Variants in ASRGL1 observed in about 807,000 individuals in gnomAD.
ASRGL1 encodes the protein asparaginase and isoaspartyl peptidase 1, also known as isoaspartyl peptidase/L-asparaginase.
Under a neutral mutation model 22.4 loss-of-function variants are expected in ASRGL1, and 16 were observed. The observed-to-expected ratio is 0.71, with a 90% CI of 0.48 to 1.08. The LOEUF (loss-of-function observed/expected upper bound fraction) is 1.08, where lower values mean the gene tolerates loss of function less well. Ranked by LOEUF, ASRGL1 falls within the 50% of genes least tolerant of loss-of-function variation. ASRGL1 has a pLI of 0.00. For synonymous variants in ASRGL1, 165 were observed against 159.3 expected (o/e 1.04, Z -0.27); for missense variants, 412 against 410.1 (o/e 1.00, Z -0.04).
At chr11:62,388,441 C>T (rs1487141483) in intron 4 of ASRGL1, among the ~76,000 whole-genome samples, 3 of 151,950 alleles carry the variant, frequency 2.0e-5, no homozygotes, top group Non-Finnish European at 2.9e-5. Flanking sequence ...CCAAGGCAGG[C>T]GTATCACCTG....
Position 62,378,096 on chromosome 11 carries a change from A to G in ASRGL1, c.492-11037A>G, listed in dbSNP as rs1307420370. Reference sequence around the variant, plus strand: ...ACGTGACATAAGTAGGAATGCCTAGAGTTGGCCGAATCCAATTAATATCTC... The same window carrying G: ...ACGTGACATAAGTAGGAATGCCTAGGGTTGGCCGAATCCAATTAATATCTC... On this transcript the variant is annotated intron_variant, in intron 4 of 6. Coordinates refer to ENST00000415229, the MANE Select transcript of ASRGL1 (RefSeq NM_001083926.2). 2.6e-5 allele frequency among the ~76,000 whole-genome samples: 4 copies of G among 152,214 alleles called. No individual in the cohort carries two copies. In the East Asian group the frequency reaches 5.8e-4, roughly 22 times the overall value.
chr11:62,384,364 G>A (rs1341160815), intron 4 of ASRGL1, among the ~76,000 whole-genome samples: 5 of 152,092 alleles, frequency 3.3e-5, no homozygotes, highest in Admixed American at 2.0e-4. Context: ...AATTAGCTGG[G>A]TGTGGTGGTA....
chr11:62,371,045 G>GA (rs112681053), intron 4 of ASRGL1: 21,229 of 431,794 alleles, frequency 0.049, 140 homozygotes, highest in Non-Finnish European at 0.056. Context: ...TCTGGGCCAG[G>GA]AAAAAAAAAA....
At chr11:62,385,671 C>T (rs868658380) in intron 4 of ASRGL1, among the ~76,000 whole-genome samples, 7 of 151,846 alleles carry the variant, frequency 4.6e-5, no homozygotes, top group Admixed American at 2.6e-4. Flanking sequence ...TTGAGACCAG[C>T]CTGACCAACA....
chr11:62,400,486 C>G, the ASRGL1 span, among the ~76,000 whole-genome samples: 1 of 152,184 alleles, frequency 6.6e-6, no homozygotes, highest in Non-Finnish European at 1.5e-5. Flanking sequence ...GTTGCTTTAA[C>G]CATTTTGGAC....
intron 2 of ASRGL1, among the ~76,000 whole-genome samples, chr11:62,344,049 C>T (rs1453844116): frequency 6.6e-6 from 1 of 151,010 alleles, no homozygotes; most frequent in Non-Finnish European, 1.5e-5. Context: ...GGGCATGTGA[C>T]CCCACACCCA....
At chr11:62,362,939 G>GAA (rs1946518238) in intron 4 of ASRGL1, among the ~76,000 whole-genome samples, 2 of 54,102 alleles carry the variant, frequency 3.7e-5, no homozygotes, top group Non-Finnish European at 5.9e-5. Context: ...TTTTTTTTGA[G>GAA]ACAGAGTCTT....
chr11:62,345,417 C>T (rs1321831780), intron 2 of ASRGL1, among the ~76,000 whole-genome samples: 2 of 152,038 alleles, frequency 1.3e-5, no homozygotes, highest in Non-Finnish European at 1.5e-5. Context: ...TACAGGCGCC[C>T]ACCACCATGC....
At chr11:62,356,022 C>T (rs938888562) in intron 2 of ASRGL1, among the ~76,000 whole-genome samples, 30 of 152,328 alleles carry the variant, frequency 2.0e-4, no homozygotes, top group East Asian at 9.6e-4. Flanking sequence ...TGTCTACTTC[C>T]TTCTACACAG....
intron 4 of ASRGL1, among the ~76,000 whole-genome samples, chr11:62,381,379 T>A (rs1947063126): frequency 6.6e-6 from 1 of 152,218 alleles, no homozygotes; most frequent in Non-Finnish European, 1.5e-5. Flanking sequence ...TTACAGACTC[T>A]GCTACATATT....
chr11:62,385,205 G>A (rs1050723769), intron 4 of ASRGL1, among the ~76,000 whole-genome samples: 8 of 152,244 alleles, frequency 5.3e-5, no homozygotes, highest in Non-Finnish European at 1.5e-5. Flanking sequence ...CCCTGACAGT[G>A]AGTTTGAGCA....
the ASRGL1 span, among the ~76,000 whole-genome samples, chr11:62,398,962 A>G: frequency 2.7e-4 from 41 of 152,334 alleles, no homozygotes; most frequent in African/African-American, 9.6e-4. Context: ...TGAGGTTAGG[A>G]GTTGAAGACC....
chr11:62,377,550 A>T (rs1242772816), intron 4 of ASRGL1, among the ~76,000 whole-genome samples: 1 of 152,122 alleles, frequency 6.6e-6, no homozygotes, highest in Non-Finnish European at 1.5e-5. Context: ...ACACCGTCAG[A>T]GCATTTTCTA....
Position 62,367,148 on chromosome 11 carries a change from C to A in ASRGL1, c.491+10004C>A, listed in dbSNP as rs181859610. On this transcript the variant is annotated intron_variant, in intron 4 of 6. Coordinates refer to ENST00000415229, the MANE Select transcript of ASRGL1 (RefSeq NM_001083926.2). ...GGTCAGGAGATCAAGACCATCCTGG[C>A]TAACACGGTGAAACCGCATCTCTAC... Among the ~76,000 whole-genome samples the A allele has an allele frequency of 4.6e-3, 699 of 151,332 alleles. 11 individuals are homozygous for A. Among genetic ancestry groups the A allele is most frequent in the African/African-American group, 0.016 (670 of 41,214 alleles).
At chr11:62,390,153 T>C (rs1947305922) in intron 5 of ASRGL1, among the ~76,000 whole-genome samples, 1 of 152,196 alleles carries the variant, frequency 6.6e-6, no homozygotes. Context: ...GCCTGGTCAG[T>C]AGTGCAGCTT....
chr11:62,356,604 G>C (rs1382071148), intron 3 of ASRGL1, 137 bp downstream of exon 3: 2 of 1,150,144 alleles, frequency 1.7e-6, no homozygotes, highest in Middle Eastern at 2.8e-4. Context: ...ATGTATTTGA[G>C]TTTCTCAAAT....
intron 4 of ASRGL1, among the ~76,000 whole-genome samples, chr11:62,367,697 A>G (rs988055026): frequency 6.6e-6 from 1 of 151,956 alleles, no homozygotes; most frequent in African/African-American, 2.4e-5. Flanking sequence ...TAATTCCAGC[A>G]CTTTGGGAGG....
At chr11:62,397,187 G>A (rs1419954991), downstream of ASRGL1, among the ~76,000 whole-genome samples, 1 of 152,012 alleles carries the variant, frequency 6.6e-6, no homozygotes, top group Non-Finnish European at 1.5e-5. Flanking sequence ...ACGCCACCAC[G>A]CCCAGCTAAT....
chr11:62,372,055 C>A, intron 4 of ASRGL1: 1 of 752,490 alleles, frequency 1.3e-6, no homozygotes, highest in Middle Eastern at 3.6e-4. Context: ...TGGCGGGGGT[C>A]CGGGTGCGGA....
Sources: allele counts gnomAD v4.1 joint callset (sites outside exome capture counted in the v4.1 genomes callset), GRCh38; gene constraint gnomAD v4.1.1; transcripts MANE v1.5; gene names NCBI Gene and HGNC (gene_info 2026-07-23, HGNC 2026-07-21).